Variants in ZNF292 observed in about 807,000 individuals in gnomAD.
The protein encoded by ZNF292 is 16 zinc-finger domain protein.
A neutral mutation model predicts 217.9 loss-of-function variants in ZNF292; 26 were observed. The observed-to-expected ratio is 0.12, with a 90% confidence interval of 0.09 to 0.17. The LOEUF (loss-of-function observed/expected upper bound fraction) is 0.17, where lower values mean the gene tolerates loss of function less well. Among genes scored for constraint, ZNF292 ranks in the 10% least tolerant of loss-of-function variants. The probability of loss-of-function intolerance (pLI) is 1.00; values close to 1 mark genes in which losing one functional copy is unlikely to be tolerated. For synonymous variants in ZNF292, 1,257 were observed against 1,124.1 expected (o/e 1.12, Z -2.37); for missense variants, 2,904 against 3,175.2 (o/e 0.91, Z 2.05).
intron 1 of ZNF292, among the ~76,000 whole-genome samples, chr6:87,160,019 A>G (rs1770680374): frequency 6.6e-6 from 1 of 152,222 alleles, no homozygotes; most frequent in African/African-American, 2.4e-5. Flanking sequence ...CTTTTAGACT[A>G]GTTAATTGTA....
chr6:87,258,986 A>G lies in ZNF292; in HGVS notation c.5357A>G (p.Asn1786Ser). 6.2e-7 allele frequency: 1 copy of G among 1,613,516 alleles called. No homozygotes were observed. Among genetic ancestry groups the G allele is most frequent in the Non-Finnish European group, 8.5e-7 (1 of 1,179,658 alleles). Residue 1786 changes from asparagine (N) to serine (S), a missense_variant, in exon 8 of 8, where the codon AAT becomes AGT. Physicochemically the swap from Asn to Ser is conservative, Grantham distance 46. Around this residue, in one of 15 missense-constraint regions of ZNF292, gnomAD observed 622 missense variants for 573.1 expected, o/e 1.09. Coordinates refer to ENST00000369577, the MANE Select transcript of ZNF292 (RefSeq NM_015021.3). ...CAGGGTGCTGGTGAAACTTCACAAA[A>G]TGCTCAAATAAATTATAACATTCAG... is the stretch of plus-strand genomic sequence containing the variant. ...GSQGAGETSQNAQINYNIQLP... is the reference protein window; with the variant it reads ...GSQGAGETSQSAQINYNIQLP...
chr6:87,215,805 T>C, intron 1 of ZNF292, 98 bp from the exon 2 acceptor site: 1 of 844,520 alleles, frequency 1.2e-6, no homozygotes, highest in Non-Finnish European at 1.7e-6. Context: ...TAAATAAAAA[T>C]CTGTATTTTT....
chr6:87,205,218 A>T (rs6913721), intron 1 of ZNF292, among the ~76,000 whole-genome samples: 1 of 151,714 alleles, frequency 6.6e-6, no homozygotes, highest in African/African-American at 2.4e-5. Flanking sequence ...GACTACAGAC[A>T]TGTGCCACTA....
In ZNF292 at chr6:87,258,789, A is replaced by G. The variant is rs201853172; in HGVS notation, c.5160A>G (p.Thr1720=). The change falls in exon 8 of 8, where the codon ACA becomes ACG. Residue 1720 remains threonine (T), a synonymous_variant. Transcript: ENST00000369577. ...LESHTVLAPL[T]LKTENGDSQM... ...CCCATACAGTGTTAGCCCCTTTAAC[A>G]TTAAAAACTGAAAATGGTGATTCCC... is the stretch of plus-strand genomic sequence containing the variant. 46 of 1,613,456 alleles carry G rather than the reference A, an allele frequency of 2.9e-5. No individual in the cohort carries two copies. The highest frequency in any genetic ancestry group is 5.1e-6 in the Non-Finnish European group (6 of 1,179,684).
chr6:87,250,539 A>G lies in ZNF292; in HGVS notation c.1021-4111A>G, dbSNP rs1325565250. Among the ~76,000 whole-genome samples, 6 of 152,238 alleles carry G rather than the reference A, an allele frequency of 3.9e-5. No homozygotes were observed. The East Asian group carries it at 1.2e-3, about 29-fold the overall frequency. ...TACTGTATTGAATCTATGCAAATGAAGTAATATGTAGCCATTGTATTAGGT... is the reference window on the plus strand; with the variant it reads ...TACTGTATTGAATCTATGCAAATGAGGTAATATGTAGCCATTGTATTAGGT... On this transcript the variant is annotated intron_variant, in intron 7 of 7. Coordinates refer to ENST00000369577, the MANE Select transcript of ZNF292 (RefSeq NM_015021.3).
intron 1 of ZNF292, among the ~76,000 whole-genome samples, chr6:87,205,271 G>C (rs6914193): frequency 1.3e-5 from 2 of 151,810 alleles, no homozygotes; most frequent in African/African-American, 4.8e-5. Context: ...ATGAGGTCTT[G>C]CTATGTTGCT....
intron 1 of ZNF292, among the ~76,000 whole-genome samples, chr6:87,214,667 G>A (rs1223998175): frequency 2.0e-5 from 3 of 152,034 alleles, no homozygotes; most frequent in Non-Finnish European, 4.4e-5. Flanking sequence ...TCTGTCTCTA[G>A]CAATCAGTAT....
chr6:87,223,387 CTT>C (rs1256612887), intron 4 of ZNF292: 1 of 152,348 alleles, frequency 6.6e-6, no homozygotes, highest in Non-Finnish European at 1.5e-5. Flanking sequence ...ACCCAGCCGA[CTT>C]ATCACTGTTG....
At chr6:87,242,496 C>G (rs939568860) in intron 5 of ZNF292, among the ~76,000 whole-genome samples, 5 of 152,154 alleles carry the variant, frequency 3.3e-5, no homozygotes, top group Non-Finnish European at 7.3e-5. Context: ...TTACATTTTA[C>G]ACATGCACAT....
intron 4 of ZNF292, among the ~76,000 whole-genome samples, chr6:87,231,386 T>G (rs1773648554): frequency 6.6e-6 from 1 of 152,174 alleles, no homozygotes; most frequent in African/African-American, 2.4e-5. Flanking sequence ...GAAGACTCAT[T>G]CTACTCCTCG....
chr6:87,248,070 A>G (rs1373995646), intron 7 of ZNF292, among the ~76,000 whole-genome samples: 2 of 152,232 alleles, frequency 1.3e-5, no homozygotes, highest in Non-Finnish European at 1.5e-5. Flanking sequence ...TAACCTTTGT[A>G]GAAATGCAGT....
At chr6:87,196,387 T>A (rs1048402093) in intron 1 of ZNF292, among the ~76,000 whole-genome samples, 3 of 152,216 alleles carry the variant, frequency 2.0e-5, no homozygotes, top group Non-Finnish European at 2.9e-5. Context: ...TGTTGGTCAG[T>A]CCCCTCTTTT....
Position 87,260,123 on chromosome 6 carries a change from C to T in ZNF292, c.6494C>T (p.Thr2165Ile). The part of the protein sequence containing the change: ...EAGKESEETE[T>I]KQTLKEFRCQ... ...GGTAAAGAAAGTGAAGAAACTGAAA[C>T]TAAACAAACTTTGAAAGAATTTCGA... The change falls in exon 8 of 8, where the codon ACT (threonine) becomes ATT (isoleucine). Residue 2165 changes from threonine (T) to isoleucine (I), a missense_variant. Thr to Ile is a moderately conservative substitution (Grantham distance 89). Coordinates refer to ENST00000369577, the MANE Select transcript of ZNF292 (RefSeq NM_015021.3). 3.7e-6 allele frequency: 6 copies of T among 1,613,390 alleles called. No individual in the cohort carries two copies. Among genetic ancestry groups the T allele is most frequent in the Non-Finnish European group, 3.4e-6 (4 of 1,179,586 alleles).
intron 5 of ZNF292, among the ~76,000 whole-genome samples, chr6:87,239,751 A>ACGGGGCGG (rs1272851018): frequency 4.3e-5 from 6 of 138,892 alleles, no homozygotes; most frequent in African/African-American, 1.4e-4. Flanking sequence ...CACATCCCAG[A>ACGGGGCGG]TGGGGCGGTG....
rs145726118 is a variant in ZNF292 at position 87,248,083 on chromosome 6, A to G, written c.1020+2439A>G. 3.6e-3 allele frequency among the ~76,000 whole-genome samples: 553 copies of G among 152,338 alleles called. 2 individuals are homozygous for G. The highest frequency in any genetic ancestry group is 0.013 in the African/African-American group (532 of 41,574). On this transcript the variant is annotated intron_variant, in intron 7 of 7. Coordinates refer to ENST00000369577, the MANE Select transcript of ZNF292 (RefSeq NM_015021.3). Reference sequence around the variant, plus strand: ...AGTAACCTTTGTAGAAATGCAGTTGATTTCCATTTAAATGTACATAGGAAA... The same window carrying G: ...AGTAACCTTTGTAGAAATGCAGTTGGTTTCCATTTAAATGTACATAGGAAA...
intron 1 of ZNF292, among the ~76,000 whole-genome samples, chr6:87,179,311 C>T (rs1028612036): frequency 2.0e-5 from 3 of 151,938 alleles, no homozygotes; most frequent in African/African-American, 7.3e-5. Flanking sequence ...CAGGTGTGCA[C>T]CATCATGCCC....
intron 1 of ZNF292, among the ~76,000 whole-genome samples, chr6:87,198,135 T>C (rs1037366749): frequency 6.6e-6 from 1 of 152,170 alleles, no homozygotes; most frequent in African/African-American, 2.4e-5. Flanking sequence ...ACCAATTAGC[T>C]TAAAATTTAA....
chr6:87,175,801 G>A (rs1267451342), intron 1 of ZNF292, among the ~76,000 whole-genome samples: 2 of 152,214 alleles, frequency 1.3e-5, no homozygotes, highest in Non-Finnish European at 2.9e-5. Context: ...TGAAATGAGA[G>A]TTTGGGGCTT....
chr6:87,160,029 A>G (rs1770680727), intron 1 of ZNF292, among the ~76,000 whole-genome samples: 3 of 152,042 alleles, frequency 2.0e-5, no homozygotes, highest in East Asian at 1.9e-4. Flanking sequence ...AGTTAATTGT[A>G]TTAGACTGGG....
Sources: gnomAD v4.1 joint callset for allele counts (sites outside exome capture counted in the v4.1 genomes callset) on GRCh38, gnomAD v4.1.1 for gene constraint, gnomAD v4.1.1 regional missense constraint, MANE v1.5 for transcripts, NCBI Gene and HGNC (gene_info 2026-07-23, HGNC 2026-07-21) for gene names.